The following GNAQ variants were observed in gnomAD, a reference collection of about 807,000 sequenced individuals.
The protein encoded by GNAQ is G protein subunit alpha q.
A neutral mutation model predicts 43.9 loss-of-function variants in GNAQ; 8 were observed. The ratio of observed to expected loss-of-function variants is 0.18; its 90% confidence interval spans 0.11 to 0.33. The LOEUF (loss-of-function observed/expected upper bound fraction) is 0.33, where lower values mean the gene tolerates loss of function less well. GNAQ is among the 10% of genes least tolerant of loss of function. GNAQ has a pLI of 1.00. For synonymous variants in GNAQ, 155 were observed against 170.7 expected (o/e 0.91, Z 0.71); for missense variants, 158 against 450.8 (o/e 0.35, Z 5.88).
intron 5 of GNAQ, among the ~76,000 whole-genome samples, chr9:77,759,602 TAG>T (rs1395861814): frequency 2.0e-5 from 3 of 152,190 alleles, no homozygotes; most frequent in African/African-American, 7.2e-5. Context: ...TGGAACAGTG[TAG>T]AGTTTGGACT....
intron 5 of GNAQ, among the ~76,000 whole-genome samples, chr9:77,793,175 C>G (rs1826604020): frequency 6.6e-6 from 1 of 152,130 alleles, no homozygotes; most frequent in South Asian, 2.1e-4. Context: ...AGCTAAAATT[C>G]TGACAGTAAC....
chr9:77,956,127 A>T (rs1305830843), intron 1 of GNAQ, among the ~76,000 whole-genome samples: 1 of 152,178 alleles, frequency 6.6e-6, no homozygotes, highest in Non-Finnish European at 1.5e-5. Flanking sequence ...ATTTACCAGG[A>T]CTTATTCTAA....
rs531782345 is a variant in GNAQ at position 77,786,204 on chromosome 9, A to C, written c.735+8259T>G. Among the ~76,000 whole-genome samples the C allele has an allele frequency of 3.9e-5, 6 of 151,930 alleles. No homozygotes were observed. The South Asian group carries it at 1.3e-3, about 32-fold the overall frequency. On this transcript the variant is annotated intron_variant, in intron 5 of 6. Transcript: ENST00000286548. Reference sequence around the variant, plus strand: ...CATCCTGGCTAACACGGTGAAACCCAGTCTCTACTAAAAATACAAAAAAAT... The same window carrying C: ...CATCCTGGCTAACACGGTGAAACCCCGTCTCTACTAAAAATACAAAAAAAT...
At chr9:77,854,572 G>A (rs1321716530) in intron 2 of GNAQ, among the ~76,000 whole-genome samples, 3 of 152,174 alleles carry the variant, frequency 2.0e-5, no homozygotes, top group Admixed American at 6.5e-5. Context: ...AAACAAATCA[G>A]CAAGATGTAC....
chr9:77,739,428 T>C (rs1300024803), intron 5 of GNAQ, among the ~76,000 whole-genome samples: 1 of 152,228 alleles, frequency 6.6e-6, no homozygotes, highest in Non-Finnish European at 1.5e-5. Flanking sequence ...GCAGTCTTTA[T>C]ATACTGAAGT....
At chr9:77,734,487 A>C (rs1825544710) in intron 5 of GNAQ, among the ~76,000 whole-genome samples, 1 of 146,534 alleles carries the variant, frequency 6.8e-6, no homozygotes, top group Non-Finnish European at 1.5e-5. Context: ...GAATGTCATG[A>C]GGGCATTCAT....
intron 1 of GNAQ, among the ~76,000 whole-genome samples, chr9:78,004,646 C>G (rs1294478378): frequency 6.6e-6 from 1 of 152,000 alleles, no homozygotes; most frequent in Non-Finnish European, 1.5e-5. Context: ...ACTTGCATAC[C>G]AATACCTCCT....
intron 5 of GNAQ, among the ~76,000 whole-genome samples, chr9:77,789,234 A>T (rs1158363226): frequency 6.6e-6 from 1 of 152,222 alleles, no homozygotes; most frequent in East Asian, 1.9e-4. Flanking sequence ...AATAACATAT[A>T]ACCATAAAAA....
intron 5 of GNAQ, among the ~76,000 whole-genome samples, chr9:77,781,814 C>T (rs1453550676): frequency 5.9e-5 from 9 of 152,024 alleles, no homozygotes; most frequent in Admixed American, 5.2e-4. Context: ...AAATCCAACA[C>T]CCATTCATGA....
intron 3 of GNAQ, among the ~76,000 whole-genome samples, chr9:77,814,518 C>T (rs1826981137): frequency 6.6e-6 from 1 of 152,118 alleles, no homozygotes; most frequent in Non-Finnish European, 1.5e-5. Flanking sequence ...CATAAGAATA[C>T]AAGAAATAGT....
intron 5 of GNAQ, among the ~76,000 whole-genome samples, chr9:77,742,090 A>G (rs1010967153): frequency 2.0e-5 from 3 of 152,286 alleles, no homozygotes; most frequent in African/African-American, 7.2e-5. Flanking sequence ...TTTAAAAGCA[A>G]TGTTTACTGT....
intron 2 of GNAQ, among the ~76,000 whole-genome samples, chr9:77,878,200 C>CA (rs1381135921): frequency 1.4e-4 from 20 of 147,992 alleles, no homozygotes; most frequent in Non-Finnish European, 1.5e-5. Flanking sequence ...AGGAGTTACG[C>CA]AAAAAAGTGG....
intron 5 of GNAQ, among the ~76,000 whole-genome samples, chr9:77,769,666 T>C (rs1826189992): frequency 1.4e-5 from 2 of 144,540 alleles, no homozygotes; most frequent in Admixed American, 1.4e-4. Flanking sequence ...CAAGAACTCT[T>C]TTTTTTTTTT....
At chr9:77,848,448 C>G (rs1360355915) in intron 2 of GNAQ, among the ~76,000 whole-genome samples, 2 of 152,232 alleles carry the variant, frequency 1.3e-5, no homozygotes, top group African/African-American at 4.8e-5. Flanking sequence ...TCTTAACAAG[C>G]AACCCCATTG....
intron 4 of GNAQ, among the ~76,000 whole-genome samples, chr9:77,796,701 A>G (rs1417476697): frequency 6.6e-6 from 1 of 152,198 alleles, no homozygotes; most frequent in Non-Finnish European, 1.5e-5. Flanking sequence ...AAATTTTTCA[A>G]GCAACATATT....
At chr9:78,007,356 T>C (rs548504287) in intron 1 of GNAQ, among the ~76,000 whole-genome samples, 1 of 150,902 alleles carries the variant, frequency 6.6e-6, no homozygotes, top group African/African-American at 2.4e-5. Context: ...AGTGATATAA[T>C]TTCATAACCA....
At chr9:77,762,360 G>GA (rs1826052990) in intron 5 of GNAQ, among the ~76,000 whole-genome samples, 5 of 140,008 alleles carry the variant, frequency 3.6e-5, no homozygotes, top group African/African-American at 1.1e-4. Flanking sequence ...GCCTCTGCCC[G>GA]GCCGCCCCTA....
At chr9:77,860,714 G>A (rs1827836021) in intron 2 of GNAQ, among the ~76,000 whole-genome samples, 1 of 152,072 alleles carries the variant, frequency 6.6e-6, no homozygotes, top group African/African-American at 2.4e-5. Context: ...GGGATGTTCG[G>A]GACCCCTTCC....
chr9:77,780,331 GT>G (rs1335903940), intron 5 of GNAQ, among the ~76,000 whole-genome samples: 2 of 150,904 alleles, frequency 1.3e-5, no homozygotes, highest in Admixed American at 6.6e-5. Context: ...GAGATCTACA[GT>G]TTTTTTTCAC....
Sources: allele counts gnomAD v4.1 joint callset (sites outside exome capture counted in the v4.1 genomes callset), GRCh38; gene constraint gnomAD v4.1.1; transcripts MANE v1.5; gene names NCBI Gene and HGNC (gene_info 2026-07-23, HGNC 2026-07-21).